The following TUBB8B variants were observed in gnomAD, a reference collection of about 807,000 sequenced individuals.
TUBB8B encodes the protein HSA18p11 beta-tubulin 4Q pseudogene.
A neutral mutation model predicts 31.9 loss-of-function variants in TUBB8B; 26 were observed. The observed-to-expected ratio is 0.81, with a 90% CI of 0.60 to 1.13. The LOEUF is 1.13. Ranked by LOEUF, TUBB8B falls within the 50% of genes most tolerant of loss-of-function variation. The pLI, the probability that TUBB8B is intolerant of heterozygous loss-of-function variation, is 0.00. For synonymous variants in TUBB8B, 173 were observed against 231.0 expected (o/e 0.75, Z 2.28); for missense variants, 467 against 586.7 (o/e 0.80, Z 2.11).
the TUBB8B span, among the ~76,000 whole-genome samples, chr18:56,275 T>G: frequency 6.6e-6 from 1 of 151,882 alleles, no homozygotes; most frequent in Non-Finnish European, 1.5e-5. Context: ...CCTCCAGTTT[T>G]GGTTTATATA....
chr18:60,843 T>C, the TUBB8B span, among the ~76,000 whole-genome samples: 1 of 151,716 alleles, frequency 6.6e-6, no homozygotes, highest in East Asian at 1.9e-4. Flanking sequence ...TTACTTCAAT[T>C]TTTTTAATGT....
the TUBB8B span, among the ~76,000 whole-genome samples, chr18:66,544 C>A: frequency 1.3e-5 from 2 of 151,924 alleles, no homozygotes; most frequent in African/African-American, 4.8e-5. Flanking sequence ...AGAGTGAGAC[C>A]CTGTCTCAAA....
In TUBB8B at chr18:47,854, G is replaced by C; in HGVS notation, c.871C>G (p.Gln291Glu). 6.2e-7 allele frequency: 1 copy of C among 1,611,224 alleles called. No homozygotes were observed. The highest frequency in any genetic ancestry group is 8.5e-7 in the Non-Finnish European group (1 of 1,179,348). Residue 291 changes from glutamine (Q) to glutamate (E), a missense_variant, in exon 4 of 4, where the codon CAG (glutamine) becomes GAG (glutamate). Physicochemically the swap from Gln to Glu is conservative, Grantham distance 29 (BLOSUM62 2). Around this residue, in one of 2 missense-constraint regions of TUBB8B, gnomAD observed 208 missense variants for 206.7 expected, o/e 1.01. Coordinates refer to ENST00000308911, the MANE Select transcript of TUBB8B (RefSeq NM_001358689.2). ...ATGTTCTTAGCATCAAACATCTGCT[G>C]GGTGAGCTCAGCCACAGTCAAGGCC... is the stretch of plus-strand genomic sequence containing the variant. ...YRALTVAELT[Q>E]QMFDAKNMMA...
upstream of TUBB8B, among the ~76,000 whole-genome samples, chr18:51,204 G>T (rs201921338): frequency 1.2e-3 from 146 of 120,372 alleles, no homozygotes; most frequent in African/African-American, 2.0e-3. Flanking sequence ...TAACCACTCT[G>T]CCTTGGGATG....
intron 3 of TUBB8B, 91 bp downstream of exon 3, chr18:48,849 G>A (rs890155880): frequency 1.5e-5 from 14 of 943,850 alleles, no homozygotes; most frequent in Middle Eastern, 2.1e-4. Context: ...GGGCCCTGGC[G>A]CCACAGTTCC....
chr18:65,420 CA>C, the TUBB8B span, among the ~76,000 whole-genome samples: 1 of 152,238 alleles, frequency 6.6e-6, no homozygotes, highest in South Asian at 2.1e-4. Flanking sequence ...GCTGGTTTGG[CA>C]TACTAAAGCC....
chr18:61,520 GTTC>G, the TUBB8B span, among the ~76,000 whole-genome samples: 2,178 of 151,418 alleles, frequency 0.014, 59 homozygotes, highest in African/African-American at 0.05. Context: ...TCCTCTCATT[GTTC>G]TTTTCTTTCT....
At chr18:72,731 G>C in the TUBB8B span, among the ~76,000 whole-genome samples, 1 of 152,086 alleles carries the variant, frequency 6.6e-6, no homozygotes, top group African/African-American at 2.4e-5. Context: ...TTGGGAGGCC[G>C]AGGTGGGTGG....
chr18:54,568 T>C (rs1038271693), upstream of TUBB8B, among the ~76,000 whole-genome samples: 16 of 151,872 alleles, frequency 1.1e-4, 1 homozygote, highest in Non-Finnish European at 2.2e-4. Flanking sequence ...ACCACCCTTA[T>C]ACTCTCTATG....
the TUBB8B span, among the ~76,000 whole-genome samples, chr18:67,292 A>G: frequency 6.6e-6 from 1 of 152,110 alleles, no homozygotes; most frequent in Non-Finnish European, 1.5e-5. Flanking sequence ...CACCATGCCC[A>G]GCCTCATGTA....
At chr18:52,343 A>C (rs28645196), upstream of TUBB8B, among the ~76,000 whole-genome samples, 22,727 of 141,546 alleles carry the variant, frequency 0.16, 1,632 homozygotes, top group African/African-American at 0.22. Flanking sequence ...GTGAGGGACA[A>C]AGAGCACAAG....
At chr18:73,467 G>T in the TUBB8B span, 2 of 157,676 alleles carry the variant, frequency 1.3e-5, no homozygotes, top group Non-Finnish European at 1.5e-5. Context: ...TGGACCCCCC[G>T]TCCTCACAGT....
the TUBB8B span, among the ~76,000 whole-genome samples, chr18:54,648 G>A: frequency 6.6e-6 from 1 of 151,876 alleles, no homozygotes; most frequent in African/African-American, 2.4e-5. Context: ...TTCTGTGCCT[G>A]ACTTATTTCA....
upstream of TUBB8B, among the ~76,000 whole-genome samples, chr18:50,759 C>G (rs968582876): frequency 1.2e-4 from 18 of 152,126 alleles, no homozygotes; most frequent in African/African-American, 4.3e-4. Flanking sequence ...TGTATGCTGA[C>G]CAGCACGCCC....
chr18:59,069 C>A, the TUBB8B span, among the ~76,000 whole-genome samples: 1 of 151,768 alleles, frequency 6.6e-6, no homozygotes, highest in Non-Finnish European at 1.5e-5. Flanking sequence ...TGGTGCTAAG[C>A]CATTTATGAG....
Position 47,789 on chromosome 18 carries a change from C to G in TUBB8B, c.936G>C (p.Thr312=). The G allele has an allele frequency of 6.2e-7, 1 of 1,611,656 alleles. No individual in the cohort carries two copies. The highest frequency in any genetic ancestry group is 8.5e-7 in the Non-Finnish European group (1 of 1,179,532). The change falls in exon 4 of 4, where the codon ACG becomes ACC. Residue 312 remains threonine, a synonymous_variant. Coordinates refer to ENST00000308911, the MANE Select transcript of TUBB8B (RefSeq NM_001358689.2). ...TGCGACCCCTGAAAATGGCAGCCACCGTTAGGTAGCAGCCGTGACGGGGGT... is the reference window on the plus strand; with the variant it reads ...TGCGACCCCTGAAAATGGCAGCCACGGTTAGGTAGCAGCCGTGACGGGGGT... ...ACDPRHGCYL[T]VAAIFRGRMP... is the part of the protein sequence containing the mutation.
At chr18:62,239 C>A in the TUBB8B span, among the ~76,000 whole-genome samples, 1 of 151,252 alleles carries the variant, frequency 6.6e-6, no homozygotes, top group Admixed American at 6.6e-5. Flanking sequence ...TTATTTGTGT[C>A]TCTTCTCTTG....
At chr18:54,988 T>C in the TUBB8B span, among the ~76,000 whole-genome samples, 1 of 152,090 alleles carries the variant, frequency 6.6e-6, no homozygotes, top group Non-Finnish European at 1.5e-5. Flanking sequence ...TCCATTTAAA[T>C]TTTTGTCCAC....
At chr18:72,304 GAA>G in the TUBB8B span, among the ~76,000 whole-genome samples, 3 of 149,736 alleles carry the variant, frequency 2.0e-5, no homozygotes, top group East Asian at 3.9e-4. Context: ...CAAGGCCAAG[GAA>G]AAAAAAAGAT....
Sources: allele counts gnomAD v4.1 joint callset (sites outside exome capture counted in the v4.1 genomes callset), GRCh38; gene constraint gnomAD v4.1.1; regional missense constraint gnomAD v4.1.1; transcripts MANE v1.5; gene names NCBI Gene and HGNC (gene_info 2026-07-23, HGNC 2026-07-21).